The following DMD variants were observed in gnomAD, a reference collection of about 807,000 sequenced individuals.
The protein encoded by DMD is dystrophin.
A neutral mutation model predicts 330.1 loss-of-function variants in DMD; 63 were observed. The ratio of observed to expected loss-of-function variants is 0.19; its 90% confidence interval spans 0.16 to 0.24. DMD has a LOEUF of 0.24. Among genes scored for constraint, DMD ranks in the 10% least tolerant of loss-of-function variants. The pLI is 1.00. For missense variants in DMD, 3,344 were observed against 2,684.1 expected (o/e 1.25, Z -5.43); for synonymous variants, 1,223 against 959.8 (o/e 1.27, Z -5.07).
At chrX:32,243,964 T>TTG (rs1305692038) in intron 43 of DMD, among the ~76,000 whole-genome samples, 28 of 108,817 alleles carry the variant, frequency 2.6e-4, no homozygotes, top group African/African-American at 9.1e-4. Context: ...ACTTTTTTTT[T>TTG]TTTATTATAC....
At chrX:31,900,572 G>A (rs2094408866) in intron 47 of DMD, among the ~76,000 whole-genome samples, 3 of 111,170 alleles carry the variant, frequency 2.7e-5, no homozygotes, top group African/African-American at 9.8e-5. Context: ...GTCTTTATCC[G>A]CAGTGTGAAA....
In DMD at chrX:31,934,614, C is replaced by T. The variant is rs1007139580; in HGVS notation, c.6615-2387G>A. ...AGCAGGGTCTGTTTTTAACCTATCC[C>T]GAATATAACATCTGATCTAGAAGTA... On this transcript the variant is annotated intron_variant, in intron 45 of 78. Coordinates refer to ENST00000357033, the MANE Select transcript of DMD (RefSeq NM_004006.3). 5.4e-5 allele frequency among the ~76,000 whole-genome samples: 6 copies of T among 111,175 alleles called. No individual in the cohort carries two copies. The East Asian group carries it at 8.5e-4, about 16-fold the overall frequency.
intron 61 of DMD, among the ~76,000 whole-genome samples, chrX:31,323,967 C>G (rs1426174232): frequency 9.6e-6 from 1 of 104,444 alleles, no homozygotes; most frequent in Non-Finnish European, 1.9e-5. Flanking sequence ...ATGTGTCTCC[C>G]TTGAGTGCTT....
At chrX:32,680,416 A>G (rs1239332338) in intron 9 of DMD, among the ~76,000 whole-genome samples, 1 of 111,342 alleles carries the variant, frequency 9.0e-6, no homozygotes, top group African/African-American at 3.3e-5. Flanking sequence ...TGTCTTCACA[A>G]CTGGTCCTCA....
chrX:32,044,844 A>G (rs1339036886), intron 44 of DMD, among the ~76,000 whole-genome samples: 2 of 112,450 alleles, frequency 1.8e-5, no homozygotes, highest in Non-Finnish European at 3.8e-5. Context: ...AAAGAAAAAT[A>G]TAAGTATTAT....
chrX:31,216,207 G>A (rs1441014922), intron 64 of DMD, among the ~76,000 whole-genome samples: 1 of 112,538 alleles, frequency 8.9e-6, no homozygotes. Flanking sequence ...TCCAATTCCA[G>A]GAGGAAGGAT....
chrX:32,815,528 C>T (rs950130196), intron 6 of DMD, among the ~76,000 whole-genome samples: 2 of 94,710 alleles, frequency 2.1e-5, no homozygotes, highest in African/African-American at 4.5e-5. Flanking sequence ...TATACACACA[C>T]ACACACACAT....
At chrX:32,196,829 C>G (rs2097003766) in intron 44 of DMD, among the ~76,000 whole-genome samples, 1 of 108,339 alleles carries the variant, frequency 9.2e-6, no homozygotes, top group East Asian at 2.9e-4. Context: ...ACTAAAAATA[C>G]AAAAAAATTA....
intron 43 of DMD, among the ~76,000 whole-genome samples, chrX:32,243,901 C>T (rs1442591487): frequency 3.7e-5 from 4 of 109,349 alleles, no homozygotes. Context: ...TTTGTTTTCT[C>T]TTTGAAAATA....
intron 1 of DMD, among the ~76,000 whole-genome samples, chrX:33,241,762 G>GT (rs932506302): frequency 9.1e-6 from 1 of 109,633 alleles, no homozygotes; most frequent in Non-Finnish European, 1.9e-5. Flanking sequence ...TCCTTTTTTT[G>GT]TGGGGGCGGG....
intron 3 of DMD, among the ~76,000 whole-genome samples, chrX:32,847,554 G>C (rs902233597): frequency 1.8e-5 from 2 of 112,320 alleles, no homozygotes; most frequent in Non-Finnish European, 3.8e-5. Flanking sequence ...TAGCGAATTG[G>C]AGTTCTGGGA....
chrX:32,881,852 G>C (rs1029960450), intron 2 of DMD, among the ~76,000 whole-genome samples: 1 of 111,278 alleles, frequency 9.0e-6, no homozygotes, highest in African/African-American at 3.3e-5. Context: ...TCTGCAAACC[G>C]TACTTCTGGC....
In DMD at chrX:32,533,780, C is replaced by A. The variant is rs1415192382; in HGVS notation, c.2168+11379G>T. On this transcript the variant is annotated intron_variant, in intron 17 of 78. Transcript: ENST00000357033. ...ATGACTACAGAAGTGTTCAAAGAAA[C>A]CCACCATGCATTGGATGATGACTTG... Among the ~76,000 whole-genome samples the A allele has an allele frequency of 4.5e-5, 5 of 111,883 alleles. No individual in the cohort carries two copies. The East Asian group carries it at 1.4e-3, about 32-fold the overall frequency.
intron 55 of DMD, chrX:31,508,285 T>A: frequency 8.4e-7 from 1 of 1,191,544 alleles, no homozygotes. Flanking sequence ...TGCATAGCAA[T>A]CCTGAGAAAA....
intron 7 of DMD, among the ~76,000 whole-genome samples, chrX:32,786,456 T>C (rs1351053320): frequency 9.0e-6 from 1 of 111,279 alleles, no homozygotes; most frequent in Non-Finnish European, 1.9e-5. Context: ...TTGATAACTT[T>C]AGTGTGGCTT....
chrX:32,835,413 T>C (rs1359651896), intron 4 of DMD, among the ~76,000 whole-genome samples: 1 of 112,849 alleles, frequency 8.9e-6, no homozygotes, highest in Non-Finnish European at 1.9e-5. Context: ...CAGGATTTTG[T>C]ATTTTGTTCG....
At chrX:33,104,617 C>T (rs187775076) in intron 1 of DMD, among the ~76,000 whole-genome samples, 4 of 110,463 alleles carry the variant, frequency 3.6e-5, no homozygotes, top group African/African-American at 6.6e-5. Flanking sequence ...ACTCTCTTTT[C>T]GGACTCAGCC....
chrX:31,434,440 A>AGTG lies in DMD; in HGVS notation c.9084+10040_9084+10041insCAC, dbSNP rs1569541953. 9.2e-5 allele frequency among the ~76,000 whole-genome samples: 9 copies of AGTG among 97,386 alleles called. 1 individual carries two copies. The East Asian group carries it at 2.9e-3, about 32-fold the overall frequency. The allele number at this position is 97,386 out of a possible 115,157, so 84.6% of individuals were successfully genotyped here. A position where few individuals can be genotyped will look rare whatever the true frequency, so the allele number is the denominator to read the frequency against. The stretch of plus-strand genomic sequence containing the variant: ...CGCGCACACACACACACACACACAC[A>AGTG]CACACACACACACACACACACACAC... On this transcript the variant is annotated intron_variant, in intron 60 of 78. Coordinates refer to ENST00000357033, the MANE Select transcript of DMD (RefSeq NM_004006.3).
chrX:31,999,009 C>T (rs766364426), intron 44 of DMD, among the ~76,000 whole-genome samples: 1 of 111,174 alleles, frequency 9.0e-6, no homozygotes, highest in Middle Eastern at 4.6e-3. Flanking sequence ...GAATAACTAG[C>T]GGATACTTTT....
Sources: allele counts gnomAD v4.1 joint callset (sites outside exome capture counted in the v4.1 genomes callset), GRCh38; gene constraint gnomAD v4.1.1; transcripts MANE v1.5; gene names NCBI Gene and HGNC (gene_info 2026-07-23, HGNC 2026-07-21).